Variants in PTPRD observed in about 807,000 individuals in gnomAD.
PTPRD encodes the protein receptor-type tyrosine-protein phosphatase delta.
In PTPRD, 34 loss-of-function variants were observed where a neutral mutation model predicts 214.5. The observed-to-expected ratio is 0.16, with a 90% CI of 0.12 to 0.21. The LOEUF is 0.21. Among genes scored for constraint, PTPRD ranks in the 10% least tolerant of loss-of-function variants. PTPRD has a pLI of 1.00. For synonymous variants in PTPRD, 1,128 were observed against 845.7 expected, an observed-to-expected ratio of 1.33 and a Z score of -5.79; for missense variants, 2,545 against 2,398.7, an observed-to-expected ratio of 1.06 and a Z score of -1.27.
intron 8 of PTPRD, among the ~76,000 whole-genome samples, chr9:9,418,390 T>C (rs2077617915): frequency 6.6e-6 from 1 of 151,964 alleles, no homozygotes; most frequent in Non-Finnish European, 1.5e-5. Context: ...CTGGTCATGT[T>C]AGGATTTAAA....
At chr9:9,629,279 ATATATGTG>A (rs2095517679) in intron 7 of PTPRD, among the ~76,000 whole-genome samples, 1 of 146,992 alleles carries the variant, frequency 6.8e-6, no homozygotes, top group Non-Finnish European at 1.5e-5. Flanking sequence ...GTATGTATGT[ATATATGTG>A]TATATATATA....
intron 3 of PTPRD, among the ~76,000 whole-genome samples, chr9:10,090,321 C>T (rs1375038167): frequency 6.6e-6 from 1 of 151,534 alleles, no homozygotes; most frequent in Non-Finnish European, 1.5e-5. Flanking sequence ...CTAGCTTATT[C>T]ACCAAGTACC....
intron 9 of PTPRD, among the ~76,000 whole-genome samples, chr9:9,302,601 C>T (rs73641458): frequency 0.016 from 1,792 of 111,742 alleles, 27 homozygotes; most frequent in African/African-American, 0.044. Context: ...TTTTTTTTTT[C>T]TTTTTTTTTT....
At chr9:9,294,751 T>C (rs1952425729) in intron 9 of PTPRD, among the ~76,000 whole-genome samples, 1 of 151,642 alleles carries the variant, frequency 6.6e-6, no homozygotes, top group Non-Finnish European at 1.5e-5. Context: ...ACAAAATGAA[T>C]TTCTGTTGTT....
chr9:9,164,591 A>G (rs1455628071), intron 10 of PTPRD, among the ~76,000 whole-genome samples: 1 of 150,244 alleles, frequency 6.7e-6, no homozygotes, highest in Non-Finnish European at 1.5e-5. Flanking sequence ...TTCCTATTAC[A>G]GAGCATAAAA....
At chr9:9,660,880 G>T (rs186951924) in intron 7 of PTPRD, among the ~76,000 whole-genome samples, 2 of 151,846 alleles carry the variant, frequency 1.3e-5, no homozygotes, top group Non-Finnish European at 2.9e-5. Context: ...GGAAAGCTAC[G>T]CTGCCACCAA....
intron 8 of PTPRD, among the ~76,000 whole-genome samples, chr9:9,486,307 G>C (rs1035600491): frequency 2.0e-5 from 3 of 151,772 alleles, no homozygotes; most frequent in Admixed American, 2.0e-4. Flanking sequence ...TGGATTGTTA[G>C]GCTGCTGTTT....
chr9:8,501,118 A>G lies in PTPRD; in HGVS notation c.1823-59T>C, dbSNP rs533690800. On this transcript the variant is annotated intron_variant, in intron 23 of 45. Transcript: ENST00000381196. The stretch of plus-strand genomic sequence containing the variant: ...GTGAAAGGACAGGAGTGGTTGAAAA[A>G]AAAAATGATAAAACAAAAGAAAAGG... The G allele has an allele frequency of 1.4e-5, 18 of 1,299,034 alleles. No homozygotes were observed. In the East Asian group the frequency reaches 4.4e-4, roughly 32 times the overall value. The allele number at this position is 1,299,034 out of a possible 1,614,324, so 80.5% of individuals were successfully genotyped here. A position where few individuals can be genotyped will look rare whatever the true frequency, so the allele number is the denominator to read the frequency against.
chr9:9,195,638 G>A (rs868103742), intron 9 of PTPRD, among the ~76,000 whole-genome samples: 43 of 151,358 alleles, frequency 2.8e-4, no homozygotes, highest in African/African-American at 1.0e-3. Flanking sequence ...TGGAGCATTC[G>A]CTTCCCACAG....
At chr9:9,036,168 T>C (rs1262021881) in intron 10 of PTPRD, among the ~76,000 whole-genome samples, 1 of 150,850 alleles carries the variant, frequency 6.6e-6, no homozygotes, top group Non-Finnish European at 1.5e-5. Flanking sequence ...TATTGGCCTC[T>C]GGATAGGATT....
chr9:10,074,977 T>A (rs1274857198), intron 3 of PTPRD, among the ~76,000 whole-genome samples: 2 of 152,208 alleles, frequency 1.3e-5, no homozygotes, highest in East Asian at 3.9e-4. Context: ...TTCCTTTCAA[T>A]AAGTGAGGAG....
intron 3 of PTPRD, among the ~76,000 whole-genome samples, chr9:10,112,649 G>C (rs1208390388): frequency 1.3e-5 from 2 of 152,102 alleles, no homozygotes; most frequent in Admixed American, 1.3e-4. Context: ...TAATTTGTTG[G>C]ACCCAGATTC....
At chr9:8,650,528 CAAAAA>C (rs35887411) in intron 12 of PTPRD, among the ~76,000 whole-genome samples, 4 of 104,302 alleles carry the variant, frequency 3.8e-5, no homozygotes, top group Admixed American at 1.0e-4. Flanking sequence ...ACTCCGCCTC[CAAAAA>C]AAAAAAAAAA....
chr9:8,985,545 C>A (rs969887053), intron 11 of PTPRD, among the ~76,000 whole-genome samples: 23 of 151,454 alleles, frequency 1.5e-4, no homozygotes, highest in African/African-American at 5.6e-4. Context: ...ATTCTAAATA[C>A]AGTATGGTTG....
chr9:10,507,033 T>C (rs1020944163), intron 2 of PTPRD, among the ~76,000 whole-genome samples: 4 of 152,090 alleles, frequency 2.6e-5, no homozygotes, highest in Non-Finnish European at 5.9e-5. Context: ...TCAAAGGGAA[T>C]GTTTCCTGTT....
At chr9:8,523,620 C>T (rs1381580076) in intron 18 of PTPRD, 96 bp from the exon 19 acceptor site, 39 of 1,283,806 alleles carry the variant, frequency 3.0e-5, no homozygotes, top group Non-Finnish European at 3.9e-5. Context: ...CATATCAAGG[C>T]TTTCAACTGC....
At chr9:9,401,997 A>G (rs573846150) in intron 8 of PTPRD, among the ~76,000 whole-genome samples, 6 of 152,236 alleles carry the variant, frequency 3.9e-5, no homozygotes, top group South Asian at 4.1e-4. Context: ...GCAGTTCATT[A>G]TAACAGTGTG....
chr9:8,763,292 G>A (rs1010430), intron 11 of PTPRD, among the ~76,000 whole-genome samples: 8,785 of 151,952 alleles, frequency 0.058, 650 homozygotes, highest in African/African-American at 0.17. Context: ...TGGATGGATC[G>A]CCTGAAACCA....
chr9:10,005,779 G>C (rs1046819593), intron 4 of PTPRD, among the ~76,000 whole-genome samples: 4 of 151,958 alleles, frequency 2.6e-5, no homozygotes, highest in Admixed American at 6.6e-5. Context: ...CCCTTAGAGA[G>C]ACCCTCTCCT....
Sources: gnomAD v4.1 joint callset for allele counts (sites outside exome capture counted in the v4.1 genomes callset) on GRCh38, gnomAD v4.1.1 for gene constraint, MANE v1.5 for transcripts, NCBI Gene and HGNC (gene_info 2026-07-23, HGNC 2026-07-21) for gene names.